LCOR: variants seen among roughly 807,000 people sequenced by gnomAD.
The protein encoded by LCOR is ligand-dependent corepressor.
LCOR carries 14 observed loss-of-function variants against 64.4 expected under a neutral mutation model. That is an observed-to-expected ratio of 0.22 (90% CI 0.14 to 0.34). The LOEUF is 0.34. LCOR is among the 10% of genes least tolerant of loss of function. LCOR has a pLI of 1.00. For synonymous variants in LCOR, 643 were observed against 642.5 expected, an observed-to-expected ratio of 1.00 and a Z score of -0.01; for missense variants, 1,686 against 1,765.3, an observed-to-expected ratio of 0.96 and a Z score of 0.80.
chr10:96,939,095 T>C (rs1847402819), intron 4 of LCOR, among the ~76,000 whole-genome samples: 1 of 152,228 alleles, frequency 6.6e-6, no homozygotes, highest in South Asian at 2.1e-4. Context: ...ATTTACACTT[T>C]ACCAATTTCA....
In LCOR at chr10:96,985,365, T is replaced by A; in HGVS notation, c.*231T>A. 2 of 454,002 alleles carry A rather than the reference T, an allele frequency of 4.4e-6. No homozygotes were observed. Among genetic ancestry groups the A allele is most frequent in the Non-Finnish European group, 7.4e-6 (2 of 268,504 alleles). The allele number at this position is 454,002 out of a possible 1,614,324, so 28.1% of individuals were successfully genotyped here. ...TATATTCTGGTTGTTCCTTGGGTTT[T>A]AAACTTGGAACCAAGCAGTTTTCGT... On this transcript the variant is annotated 3_prime_UTR_variant, in exon 8 of 8. Transcript: ENST00000421806.
At chr10:96,926,987 G>A (rs551063583) in intron 4 of LCOR, among the ~76,000 whole-genome samples, 1 of 151,896 alleles carries the variant, frequency 6.6e-6, no homozygotes, top group Non-Finnish European at 1.5e-5. Flanking sequence ...ACTTAATTGT[G>A]TACATCTTTT....
At chr10:96,949,333 A>G (rs113302221) in intron 6 of LCOR, 38 bp downstream of exon 6, 1 of 1,583,344 alleles carries the variant, frequency 6.3e-7, no homozygotes. Context: ...ATCTTATCAG[A>G]ATACTTTACT....
At position 96,958,323 on chromosome 10, in the gene LCOR, T is replaced by C. The variant is rs1282831761; in HGVS notation, c.332+6127T>C. The C allele has an allele frequency of 4.6e-6, 7 of 1,527,974 alleles. No homozygotes were observed. The East Asian group carries it at 1.5e-4, about 32-fold the overall frequency. 94.7% of individuals were successfully genotyped at this position (1,527,974 alleles called of 1,614,324 possible). A position where few individuals can be genotyped will look rare whatever the true frequency, so the allele number is the denominator to read the frequency against. On this transcript the variant is annotated intron_variant, in intron 7 of 7. Transcript: ENST00000421806. ...CCTATGTGGTAGTCTATATAAGTGA[T>C]GTATGAGTTGAGTTATGTAAATTTT...
At chr10:96,911,684 T>C (rs1357391634) in intron 4 of LCOR, among the ~76,000 whole-genome samples, 4 of 152,208 alleles carry the variant, frequency 2.6e-5, no homozygotes, top group African/African-American at 9.6e-5. Context: ...TGACCAATTC[T>C]AGCTATGTTA....
chr10:96,955,830 A>C (rs1318592923), intron 7 of LCOR: 3 of 1,614,184 alleles, frequency 1.9e-6, no homozygotes, highest in Non-Finnish European at 2.5e-6. Flanking sequence ...GATGAAATTA[A>C]TGAGGTCGGA....
At chr10:96,901,736 T>TCTTC (rs1361138012) in intron 2 of LCOR, among the ~76,000 whole-genome samples, 1 of 152,178 alleles carries the variant, frequency 6.6e-6, no homozygotes, top group Admixed American at 6.5e-5. Flanking sequence ...TTAGGCCATT[T>TCTTC]CTTCCTTCCT....
intron 2 of LCOR, among the ~76,000 whole-genome samples, chr10:96,864,181 A>G (rs573329258): frequency 2.0e-5 from 3 of 152,338 alleles, no homozygotes. Flanking sequence ...AAATGTGCCC[A>G]ACTAAGAAGG....
chr10:96,863,491 A>G (rs926006488), intron 2 of LCOR, among the ~76,000 whole-genome samples: 12 of 152,198 alleles, frequency 7.9e-5, no homozygotes, highest in Non-Finnish European at 1.8e-4. Context: ...GGTGTGAGCT[A>G]CCATGCCTGG....
intron 2 of LCOR, among the ~76,000 whole-genome samples, chr10:96,890,426 T>G (rs1846420345): frequency 6.6e-6 from 1 of 152,212 alleles, no homozygotes; most frequent in Non-Finnish European, 1.5e-5. Flanking sequence ...TTCTACAACC[T>G]TGCTGAACCT....
chr10:96,852,373 GA>G (rs1448381426), intron 2 of LCOR, among the ~76,000 whole-genome samples: 1 of 152,178 alleles, frequency 6.6e-6, no homozygotes, highest in East Asian at 1.9e-4. Context: ...AGTGAGCTGA[GA>G]TGCACCACTG....
rs1164882945 is a variant in LCOR at position 96,988,260 on chromosome 10, G to C, written c.*3126G>C. The C allele has an allele frequency of 6.6e-6, 1 of 152,232 alleles. No homozygotes were observed. Among genetic ancestry groups the C allele is most frequent in the African/African-American group, 2.4e-5 (1 of 41,458 alleles). The allele number at this position is 152,232 out of a possible 1,614,324, so 9.4% of individuals were successfully genotyped here. A position where few individuals can be genotyped will look rare whatever the true frequency, so the allele number is the denominator to read the frequency against. On this transcript the variant is annotated 3_prime_UTR_variant, in exon 8 of 8. Transcript: ENST00000421806. Reference sequence around the variant, plus strand: ...AACAATCTTGCAGCACAGCAGGAAGGTTGTGAACCTTTATTCTGCTCCTGA... The same window carrying C: ...AACAATCTTGCAGCACAGCAGGAAGCTTGTGAACCTTTATTCTGCTCCTGA...
chr10:96,960,694 A>G (rs1180354518), intron 7 of LCOR: 1 of 152,208 alleles, frequency 6.6e-6, no homozygotes, highest in Non-Finnish European at 1.5e-5. Flanking sequence ...GGCTAGCATT[A>G]CTAAAAACTT....
chr10:96,980,158 A>G (rs1225674708), intron 7 of LCOR, among the ~76,000 whole-genome samples: 1 of 117,062 alleles, frequency 8.5e-6, no homozygotes, highest in Non-Finnish European at 1.5e-5. Context: ...AAAACAAAAC[A>G]AAACAAAAAA....
chr10:96,856,359 C>T (rs559109510), intron 2 of LCOR, among the ~76,000 whole-genome samples: 2 of 152,236 alleles, frequency 1.3e-5, no homozygotes, highest in African/African-American at 4.8e-5. Context: ...CGGCGCCCAG[C>T]CCTAATGGGC....
intron 2 of LCOR, among the ~76,000 whole-genome samples, chr10:96,904,190 C>A (rs1388667644): frequency 6.6e-6 from 1 of 151,846 alleles, no homozygotes; most frequent in East Asian, 1.9e-4. Flanking sequence ...TAGTGTATGT[C>A]GAATAAATTA....
At chr10:96,874,415 C>T (rs1258873088) in intron 2 of LCOR, among the ~76,000 whole-genome samples, 1 of 152,122 alleles carries the variant, frequency 6.6e-6, no homozygotes, top group Non-Finnish European at 1.5e-5. Flanking sequence ...ACATGGCTTT[C>T]CATGCATATT....
chr10:96,931,023 A>G (rs1229302803), intron 4 of LCOR, among the ~76,000 whole-genome samples: 1 of 152,190 alleles, frequency 6.6e-6, no homozygotes, highest in African/African-American at 2.4e-5. Context: ...GATACTTTAT[A>G]GCCCTTCCTA....
intron 7 of LCOR, among the ~76,000 whole-genome samples, chr10:96,968,271 A>T (rs1847968085): frequency 6.6e-6 from 1 of 152,156 alleles, no homozygotes; most frequent in Non-Finnish European, 1.5e-5. Flanking sequence ...TCACACAATG[A>T]GGTGCCCATA....
Sources: gnomAD v4.1 joint callset for allele counts (sites outside exome capture counted in the v4.1 genomes callset) on GRCh38, gnomAD v4.1.1 for gene constraint, MANE v1.5 for transcripts, NCBI Gene and HGNC (gene_info 2026-07-23, HGNC 2026-07-21) for gene names.